Variants in DLGAP3 observed in about 807,000 individuals in gnomAD.
DLGAP3 encodes DLG associated protein 3, also known as disks large-associated protein 3.
A neutral mutation model predicts 81.2 loss-of-function variants in DLGAP3; 17 were observed. The ratio of observed to expected loss-of-function variants is 0.21; its 90% CI spans 0.14 to 0.31. The LOEUF is 0.31. Ranked by LOEUF, DLGAP3 falls within the 10% of genes least tolerant of loss-of-function variation. The probability of loss-of-function intolerance (pLI) is 1.00; values close to 1 mark genes in which losing one functional copy is unlikely to be tolerated. For synonymous variants in DLGAP3, 577 were observed against 587.4 expected, an observed-to-expected ratio of 0.98 and a Z score of 0.26; for missense variants, 1,124 against 1,388.0, an observed-to-expected ratio of 0.81 and a Z score of 3.02.
intron 1 of DLGAP3, among the ~76,000 whole-genome samples, chr1:34,912,810 CAG>C (rs1639657608): frequency 6.6e-6 from 1 of 152,234 alleles, no homozygotes; most frequent in Admixed American, 6.5e-5. Context: ...AGCCCTAACA[CAG>C]AGCCTCTGAC....
chr1:34,866,024 G>A lies in DLGAP3; in HGVS notation c.*59C>T, dbSNP rs1638868791. ...CCGCGTTCACAGTGACCTCGACGCT[G>A]GGTGTACAGTACGGGTGGAGAACCG... On this transcript the variant is annotated 3_prime_UTR_variant, in exon 12 of 12. Coordinates refer to ENST00000373347, the MANE Select transcript of DLGAP3 (RefSeq NM_001080418.3). 3.5e-6 allele frequency: 5 copies of A among 1,439,356 alleles called. No homozygotes were observed. The Admixed American group carries it at 7.7e-5, about 22-fold the overall frequency. 89.2% of individuals were successfully genotyped at this position (1,439,356 alleles called of 1,614,324 possible).
chr1:34,866,774 A>C (rs1304721411), intron 11 of DLGAP3, among the ~76,000 whole-genome samples: 1 of 130,632 alleles, frequency 7.7e-6, no homozygotes, highest in Non-Finnish European at 1.7e-5. Context: ...CTCCAGCTGC[A>C]GCCGCCGCCA....
intron 1 of DLGAP3, among the ~76,000 whole-genome samples, chr1:34,916,431 C>G (rs1035046588): frequency 6.6e-6 from 1 of 152,036 alleles, no homozygotes; most frequent in Non-Finnish European, 1.5e-5. Context: ...CTGTCCAGAC[C>G]CAGTGTTAAG....
At position 34,899,725 on chromosome 1, in the gene DLGAP3, G is replaced by A. The variant is rs751303010; in HGVS notation, c.1330C>T (p.Arg444Trp). Residue 444 changes from arginine (R) to tryptophan (W), a missense_variant, in exon 5 of 12, where the codon CGG (arginine) becomes TGG (tryptophan). Arg to Trp is a moderately radical substitution (Grantham distance 101). This residue lies in a region of DLGAP3 where 357 missense variants were observed against 408.8 expected (regional missense o/e 0.87). Transcript: ENST00000373347. ...GGGATGGAGCTCCGGGGGTGGATCC[G>A]GGGTGGGACACAGCAGCTGGAAAAG... ...QARINCCVPPRIHPRSSIPGY... is the reference protein window; with the variant it reads ...QARINCCVPPWIHPRSSIPGY... The A allele has an allele frequency of 5.6e-6, 9 of 1,613,886 alleles. No homozygotes were observed. Among genetic ancestry groups the A allele is most frequent in the East Asian group, 2.2e-5 (1 of 44,894 alleles).
intron 1 of DLGAP3, among the ~76,000 whole-genome samples, chr1:34,913,451 C>G (rs571306527): frequency 6.6e-6 from 1 of 152,182 alleles, no homozygotes; most frequent in Non-Finnish European, 1.5e-5. Flanking sequence ...TCCTCTGCCT[C>G]GGAAGAGACA....
intron 8 of DLGAP3, among the ~76,000 whole-genome samples, chr1:34,879,289 G>T (rs1263693822): frequency 6.6e-6 from 1 of 152,128 alleles, no homozygotes; most frequent in Admixed American, 6.5e-5. Context: ...CCATCTGAGG[G>T]TAACGGGAGA....
intron 5 of DLGAP3, among the ~76,000 whole-genome samples, chr1:34,893,809 A>C (rs1345097405): frequency 6.6e-6 from 1 of 152,252 alleles, no homozygotes; most frequent in Non-Finnish European, 1.5e-5. Flanking sequence ...TAAAATATTT[A>C]TTGATTTAAT....
In DLGAP3 at chr1:34,895,782, T is replaced by C. The variant is rs1354654963; in HGVS notation, c.1386+3887A>G. ...AGGTTCATTAATAAACACATGCATTTATGGTAAATTGGTTTTGAAAAAGGG... is the reference window on the plus strand; with the variant it reads ...AGGTTCATTAATAAACACATGCATTCATGGTAAATTGGTTTTGAAAAAGGG... On this transcript the variant is annotated intron_variant, in intron 5 of 11. Transcript: ENST00000373347. The surrounding 1 kb of genome is among the most constrained non-coding windows in gnomAD (Gnocchi z 4.5). Among the ~76,000 whole-genome samples, 1 of 152,148 alleles carries C rather than the reference T, an allele frequency of 6.6e-6. No individual in the cohort carries two copies. Among genetic ancestry groups the C allele is most frequent in the Non-Finnish European group, 1.5e-5 (1 of 68,030 alleles).
At chr1:34,878,533 AT>A (rs1312532579) in intron 8 of DLGAP3, among the ~76,000 whole-genome samples, 1 of 152,172 alleles carries the variant, frequency 6.6e-6, no homozygotes, top group African/African-American at 2.4e-5. Context: ...AGATACAACA[AT>A]CATAAGCTTG....
chr1:34,868,691 T>C lies in DLGAP3; in HGVS notation c.2399A>G (p.Lys800Arg), dbSNP rs761892216. Residue 800 changes from lysine (K) to arginine (R), a missense_variant, in exon 9 of 12, where the codon AAG becomes AGG. Coordinates refer to ENST00000373347, the MANE Select transcript of DLGAP3 (RefSeq NM_001080418.3). This position sits in a 1 kb window ranked among gnomAD's most constrained non-coding sequence, Gnocchi z 7.5. ...CTTCTCCACCTCTGCCCGCAGCATC[T>C]TGATGAACCACTCGCCGTCGCGTGG... Reference protein sequence around the residue: ...PCPRDGEWFIKMLRAEVEKLE... With the variant: ...PCPRDGEWFIRMLRAEVEKLE... The C allele has an allele frequency of 2.5e-6, 4 of 1,612,234 alleles. No homozygotes were observed. Among genetic ancestry groups the C allele is most frequent in the Non-Finnish European group, 3.4e-6 (4 of 1,179,996 alleles).
chr1:34,905,687 T>G (rs1007665969), intron 2 of DLGAP3, among the ~76,000 whole-genome samples: 1 of 152,030 alleles, frequency 6.6e-6, no homozygotes, highest in Non-Finnish European at 1.5e-5. Flanking sequence ...AAGAGGATAT[T>G]CCCTCAGTCA....
intron 1 of DLGAP3, among the ~76,000 whole-genome samples, chr1:34,913,549 C>A (rs1639670573): frequency 1.3e-5 from 2 of 152,170 alleles, no homozygotes; most frequent in South Asian, 4.1e-4. Flanking sequence ...GCCCTCAGAG[C>A]ACTGATTGCC....
At chr1:34,911,024 C>CA (rs113143380) in intron 1 of DLGAP3, among the ~76,000 whole-genome samples, 9 of 65,884 alleles carry the variant, frequency 1.4e-4, no homozygotes, top group Admixed American at 1.2e-3. Context: ...TATTATCCAC[C>CA]CCCCCCCCAC....
intron 5 of DLGAP3, among the ~76,000 whole-genome samples, chr1:34,891,593 T>G (rs567930490): frequency 9.6e-4 from 146 of 152,316 alleles, no homozygotes; most frequent in African/African-American, 3.3e-3. Context: ...CTTATATATG[T>G]GTGCAGGGGA....
At chr1:34,905,559 C>T (rs1639537822) in intron 2 of DLGAP3, 125 bp from the exon 3 acceptor site, 5 of 702,984 alleles carry the variant, frequency 7.1e-6, no homozygotes, top group African/African-American at 5.4e-5. Context: ...AATCACACTA[C>T]CCTCCCACAA....
chr1:34,920,708 C>T (rs992635041), intron 1 of DLGAP3, among the ~76,000 whole-genome samples: 5 of 152,174 alleles, frequency 3.3e-5, no homozygotes, highest in East Asian at 1.9e-4. Context: ...TCACTGGCTG[C>T]CGGCTAGCTA....
At chr1:34,903,664 G>C (rs971828595) in intron 3 of DLGAP3, among the ~76,000 whole-genome samples, 3 of 152,174 alleles carry the variant, frequency 2.0e-5, no homozygotes, top group African/African-American at 7.2e-5. Flanking sequence ...TGCCTGAATT[G>C]TATCAGGGCT....
chr1:34,907,503 C>G (rs773694761), intron 1 of DLGAP3, 66 bp from the exon 2 acceptor site: 1 of 152,608 alleles, frequency 6.6e-6, no homozygotes, highest in Non-Finnish European at 1.5e-5. Context: ...CTCAGAGGAC[C>G]GGTCTCTGGC....
chr1:34,870,075 A>G (rs1264232916), intron 8 of DLGAP3, among the ~76,000 whole-genome samples: 1 of 152,220 alleles, frequency 6.6e-6, no homozygotes. Context: ...CAGACACAGT[A>G]AGTCAGTGCC....
Sources: gnomAD v4.1 joint callset for allele counts (sites outside exome capture counted in the v4.1 genomes callset) on GRCh38, gnomAD v4.1.1 for gene constraint, gnomAD v4.1.1 regional missense constraint, Gnocchi (gnomAD v3.1) non-coding constraint, MANE v1.5 for transcripts, NCBI Gene and HGNC (gene_info 2026-07-23, HGNC 2026-07-21) for gene names.